CAPN2: variants seen among roughly 807,000 people sequenced by gnomAD.
CAPN2 encodes calpain 2.
In CAPN2, 92 loss-of-function variants were observed where a neutral mutation model predicts 102.3. The ratio of observed to expected loss-of-function variants is 0.90; its 90% CI spans 0.76 to 1.07. The LOEUF is 1.07. Among genes scored for constraint, CAPN2 ranks in the 50% least tolerant of loss-of-function variants. The pLI, the probability that CAPN2 is intolerant of heterozygous loss-of-function variation, is 0.00. For synonymous variants in CAPN2, 340 were observed against 355.4 expected, an observed-to-expected ratio of 0.96 and a Z score of 0.49; for missense variants, 800 against 909.4, an observed-to-expected ratio of 0.88 and a Z score of 1.55.
intron 2 of CAPN2, among the ~76,000 whole-genome samples, chr1:223,743,366 C>T (rs12066704): frequency 0.24 from 35,876 of 152,134 alleles, 7,223 homozygotes; most frequent in African/African-American, 0.55. Flanking sequence ...CTTCCTGCGA[C>T]TGTACTCCCT....
intron 1 of CAPN2, among the ~76,000 whole-genome samples, chr1:223,716,304 C>T (rs1263399910): frequency 1.3e-5 from 2 of 152,194 alleles, no homozygotes; most frequent in Non-Finnish European, 2.9e-5. Flanking sequence ...GAGTAAGTGC[C>T]TGGCACACTC....
At chr1:223,762,643 A>G (rs1373707545) in intron 14 of CAPN2, among the ~76,000 whole-genome samples, 1 of 152,184 alleles carries the variant, frequency 6.6e-6, no homozygotes, top group Non-Finnish European at 1.5e-5. Flanking sequence ...CACCTGCAAC[A>G]GAGTGTTTGA....
At chr1:223,711,726 T>C (rs1319097096), upstream of CAPN2, among the ~76,000 whole-genome samples, 1 of 152,230 alleles carries the variant, frequency 6.6e-6, no homozygotes, top group African/African-American at 2.4e-5. Flanking sequence ...TTCTCCTGTC[T>C]CAGCCTCCCG....
chr1:223,712,910 G>T, intron 1 of CAPN2, 33 bp downstream of exon 1: 2 of 1,464,168 alleles, frequency 1.4e-6, no homozygotes, highest in East Asian at 3.0e-5. Context: ...CGGGCAGGGC[G>T]GGGTGCCGGG....
At position 223,731,418 on chromosome 1, in the gene CAPN2, C is replaced by T. The variant is rs1462987219; in HGVS notation, c.308-12682C>T. On this transcript the variant is annotated intron_variant, in intron 2 of 20. Transcript: ENST00000295006. The surrounding 1 kb of genome is among the most constrained non-coding windows in gnomAD (Gnocchi z 4.2). ...GGACTCTGCACTTGACCTTCCCTCT[C>T]CCTGAAAGTGCCCCTGCTCTTCCTC... Among the ~76,000 whole-genome samples the T allele has an allele frequency of 6.6e-6, 1 of 152,128 alleles. No homozygotes were observed. The highest frequency in any genetic ancestry group is 1.5e-5 in the Non-Finnish European group (1 of 68,030).
chr1:223,752,385 C>T (rs1660925280), intron 8 of CAPN2, among the ~76,000 whole-genome samples: 3 of 152,190 alleles, frequency 2.0e-5, no homozygotes, highest in South Asian at 2.1e-4. Context: ...CCCCAGGTTC[C>T]GGAGACTCAT....
Position 223,757,327 on chromosome 1 carries a change from C to T in CAPN2, c.1306-42C>T, listed in dbSNP as rs1661060482. On this transcript the variant is annotated intron_variant, in intron 10 of 20. Coordinates refer to ENST00000295006, the MANE Select transcript of CAPN2 (RefSeq NM_001748.5). ...GAGCACAGTGATGCATTTTCTTACA[C>T]TGCTTTTCCGGCATCTGAATTGCAT... is the stretch of plus-strand genomic sequence containing the variant. 3.1e-6 allele frequency: 5 copies of T among 1,613,454 alleles called. No individual in the cohort carries two copies. In the Admixed American group the frequency reaches 5.0e-5, roughly 16 times the overall value.
chr1:223,771,677 CA>C (rs1661473980), intron 18 of CAPN2, 131 bp from the exon 19 acceptor site: 7 of 698,262 alleles, frequency 1.0e-5, no homozygotes, highest in Non-Finnish European at 1.8e-5. Context: ...ACCAGTCTCA[CA>C]GAAGAGCAGC....
At chr1:223,720,315 C>CTCTTT (rs564518898) in intron 2 of CAPN2, among the ~76,000 whole-genome samples, 1 of 107,492 alleles carries the variant, frequency 9.3e-6, no homozygotes, top group East Asian at 2.7e-4. Context: ...CTCTTTCTCT[C>CTCTTT]TTTTTTTTTT....
At chr1:223,702,063 AAGGGAGGG>A (rs201905711) in intron 1 of CAPN2, among the ~76,000 whole-genome samples, 5 of 27,858 alleles carry the variant, frequency 1.8e-4, no homozygotes, top group African/African-American at 7.2e-4. Flanking sequence ...GGAAGGAAGG[AAGGGAGGG>A]AGGGAGGGAG....
At chr1:223,705,546 T>C (rs1366677770) in intron 1 of CAPN2, among the ~76,000 whole-genome samples, 1 of 152,176 alleles carries the variant, frequency 6.6e-6, no homozygotes, top group Non-Finnish European at 1.5e-5. Flanking sequence ...TGGAGGCTTG[T>C]CTTGTAGCTG....
chr1:223,762,108 C>T (rs1217455239), intron 13 of CAPN2, 78 bp from the exon 14 acceptor site: 2 of 1,258,054 alleles, frequency 1.6e-6, no homozygotes, highest in Admixed American at 1.7e-5. Flanking sequence ...TGGGAGGTGG[C>T]TGCCATGGAA....
chr1:223,711,736 G>T (rs1450547335), upstream of CAPN2, among the ~76,000 whole-genome samples: 1 of 152,104 alleles, frequency 6.6e-6, no homozygotes, highest in Non-Finnish European at 1.5e-5. Context: ...TCAGCCTCCC[G>T]AGTAACTGAG....
rs1013019941 is a variant in CAPN2, at chr1:223,775,870, G to A, written c.*1013G>A. 1.3e-5 allele frequency: 2 copies of A among 152,582 alleles called. No individual in the cohort carries two copies. The highest frequency in any genetic ancestry group is 4.8e-5 in the African/African-American group (2 of 41,416). The allele number at this position is 152,582 out of a possible 1,614,324, so 9.5% of individuals were successfully genotyped here. A position where few individuals can be genotyped will look rare whatever the true frequency, so the allele number is the denominator to read the frequency against. Reference sequence around the variant, plus strand: ...CCATGCCATGTTTTCCTTCCTGGAGGGCAGCCCCACAGGACGGTTTATGAG... The same window carrying A: ...CCATGCCATGTTTTCCTTCCTGGAGAGCAGCCCCACAGGACGGTTTATGAG... On this transcript the variant is annotated 3_prime_UTR_variant, in exon 21 of 21. Transcript: ENST00000295006.
chr1:223,769,805 G>C (rs775499066), intron 16 of CAPN2, 36 bp from the exon 17 acceptor site: 1 of 1,550,024 alleles, frequency 6.5e-7, no homozygotes, highest in South Asian at 1.2e-5. Context: ...TGTGCAAATG[G>C]ACCCACACTC....
upstream of CAPN2, among the ~76,000 whole-genome samples, chr1:223,708,627 T>C (rs1160472253): frequency 6.7e-6 from 1 of 149,696 alleles, no homozygotes; most frequent in Non-Finnish European, 1.5e-5. Flanking sequence ...AAAAATTAGC[T>C]GCACATGGCG....
intron 2 of CAPN2, among the ~76,000 whole-genome samples, chr1:223,728,825 G>A (rs969921715): frequency 2.0e-5 from 3 of 151,898 alleles, no homozygotes; most frequent in East Asian, 1.9e-4. Flanking sequence ...ACCCCCAAGC[G>A]TTCTGAGATG....
At chr1:223,751,743 C>A (rs1030286981) in intron 7 of CAPN2, among the ~76,000 whole-genome samples, 1 of 152,250 alleles carries the variant, frequency 6.6e-6, no homozygotes, top group Non-Finnish European at 1.5e-5. Flanking sequence ...TTTCTGGACT[C>A]TTCCTTGCCA....
chr1:223,757,392 C>T lies in CAPN2; in HGVS notation c.1317+12C>T. On this transcript the variant is annotated intron_variant, in intron 11 of 20. Transcript: ENST00000295006. ...AGGTTCCAGAGGAGGTACGTCTGGC[C>T]CATGTCCCGGGGTGCTCAGGTCACC... is the stretch of plus-strand genomic sequence containing the variant. 6.2e-7 allele frequency: 1 copy of T among 1,614,080 alleles called. No homozygotes were observed. Among genetic ancestry groups the T allele is most frequent in the South Asian group, 1.1e-5 (1 of 91,074 alleles).
Sources: gnomAD v4.1 joint callset for allele counts (sites outside exome capture counted in the v4.1 genomes callset) on GRCh38, gnomAD v4.1.1 for gene constraint, Gnocchi (gnomAD v3.1) non-coding constraint, MANE v1.5 for transcripts, NCBI Gene and HGNC (gene_info 2026-07-23, HGNC 2026-07-21) for gene names.